The following KIAA0319 variants were observed in gnomAD, a reference collection of about 807,000 sequenced individuals.
KIAA0319 encodes the protein KIAA0319, also known as dyslexia-associated protein KIAA0319.
Under a neutral mutation model 108.4 loss-of-function variants are expected in KIAA0319, and 83 were observed. That is an observed-to-expected ratio of 0.77 (90% confidence interval 0.64 to 0.92). KIAA0319 has a LOEUF of 0.92. Among genes scored for constraint, KIAA0319 ranks in the 40% least tolerant of loss-of-function variants. KIAA0319 has a pLI of 0.00. For synonymous variants in KIAA0319, 484 were observed against 510.4 expected, an observed-to-expected ratio of 0.95 and a Z score of 0.70; for missense variants, 1,195 against 1,322.4, an observed-to-expected ratio of 0.90 and a Z score of 1.49.
intron 1 of KIAA0319, among the ~76,000 whole-genome samples, chr6:24,640,975 T>C (rs893933559): frequency 6.6e-6 from 1 of 152,146 alleles, no homozygotes; most frequent in African/African-American, 2.4e-5. Flanking sequence ...TTTTTAAATA[T>C]ACAATTTAGC....
In KIAA0319 at chr6:24,556,589, C is replaced by G. The variant is rs763195822; in HGVS notation, c.2857+18G>C. The G allele has an allele frequency of 1.2e-6, 2 of 1,611,920 alleles. No individual in the cohort carries two copies. Among genetic ancestry groups the G allele is most frequent in the Non-Finnish European group, 1.7e-6 (2 of 1,178,984 alleles). Reference sequence around the variant, plus strand: ...CTTAAGGCTCCTCACCCAAAGCCTCCTCTATACCAGAACTCACCACAGTTG... The same window carrying G: ...CTTAAGGCTCCTCACCCAAAGCCTCGTCTATACCAGAACTCACCACAGTTG... On this transcript the variant is annotated intron_variant, in intron 18 of 20. Coordinates refer to ENST00000378214, the MANE Select transcript of KIAA0319 (RefSeq NM_014809.4).
intron 2 of KIAA0319, chr6:24,598,408 C>T (rs1582150455): frequency 3.3e-6 from 2 of 602,448 alleles, no homozygotes; most frequent in East Asian, 7.7e-5. Context: ...CTGGAGCCTC[C>T]TGCAGCAGCA....
intron 6 of KIAA0319, among the ~76,000 whole-genome samples, chr6:24,581,953 G>A (rs1222903302): frequency 6.6e-6 from 1 of 152,164 alleles, no homozygotes; most frequent in East Asian, 1.9e-4. Context: ...AAACCAGCCT[G>A]GCCAACATGG....
intron 8 of KIAA0319, among the ~76,000 whole-genome samples, 166 bp from the exon 9 acceptor site, chr6:24,578,408 G>T (rs1185374707): frequency 1.3e-5 from 2 of 152,150 alleles, no homozygotes; most frequent in Non-Finnish European, 2.9e-5. Context: ...TCCTACTCCC[G>T]AAATTATATC....
chr6:24,557,954 G>A (rs984907989), intron 17 of KIAA0319, among the ~76,000 whole-genome samples: 1 of 152,072 alleles, frequency 6.6e-6, no homozygotes, highest in African/African-American at 2.4e-5. Flanking sequence ...CATCCTGATT[G>A]TAGAGATGGT....
At chr6:24,629,737 T>A (rs1775268718) in intron 1 of KIAA0319, among the ~76,000 whole-genome samples, 3 of 152,116 alleles carry the variant, frequency 2.0e-5, no homozygotes, top group African/African-American at 7.2e-5. Flanking sequence ...AAATTTTTAA[T>A]GAAGGAGATT....
rs896681491 is a variant in KIAA0319 at position 24,605,094 on chromosome 6, G to C, written c.-105-3886C>G. On this transcript the variant is annotated intron_variant, in intron 1 of 20. Coordinates refer to ENST00000378214, the MANE Select transcript of KIAA0319 (RefSeq NM_014809.4). The stretch of plus-strand genomic sequence containing the variant: ...GACCTCAGGTGATCCACCCGCCTTG[G>C]CCTCCCAAAGTGCTGGGATTATAGG... Among the ~76,000 whole-genome samples, 12 of 152,190 alleles carry C rather than the reference G, an allele frequency of 7.9e-5. 1 individual carries two copies. Among genetic ancestry groups the C allele is most frequent in the Non-Finnish European group, 1.6e-4 (11 of 68,022 alleles).
chr6:24,553,359 CTG>C, intron 19 of KIAA0319, among the ~76,000 whole-genome samples: 1 of 114,408 alleles, frequency 8.7e-6, no homozygotes, highest in South Asian at 2.7e-4. Context: ...ATATATATAT[CTG>C]TATGTATGTT....
intron 2 of KIAA0319, among the ~76,000 whole-genome samples, chr6:24,597,486 C>A (rs371600114): frequency 2.4e-4 from 36 of 152,192 alleles, no homozygotes; most frequent in African/African-American, 8.2e-4. Context: ...GATATACATA[C>A]CTTAAAAGCA....
chr6:24,590,232 T>C (rs1226589920), intron 3 of KIAA0319, among the ~76,000 whole-genome samples: 1 of 150,718 alleles, frequency 6.6e-6, no homozygotes, highest in Non-Finnish European at 1.5e-5. Context: ...ACTGAGCCCC[T>C]ACTGGGTTCC....
intron 16 of KIAA0319, among the ~76,000 whole-genome samples, chr6:24,560,560 A>C (rs1762976237): frequency 2.6e-5 from 4 of 152,238 alleles, no homozygotes; most frequent in Admixed American, 2.6e-4. Context: ...AACACGTCCC[A>C]CGAAGTGGCT....
intron 4 of KIAA0319, among the ~76,000 whole-genome samples, chr6:24,588,048 T>C (rs1259298096): frequency 6.6e-6 from 1 of 152,248 alleles, no homozygotes; most frequent in African/African-American, 2.4e-5. Context: ...CCATACTGAA[T>C]CCCTTACAGT....
Position 24,588,620 on chromosome 6 carries a change from T to C in KIAA0319, c.967A>G (p.Ile323Val), listed in dbSNP as rs773213175. 1.2e-6 allele frequency: 2 copies of C among 1,613,898 alleles called. No individual in the cohort carries two copies. The highest frequency in any genetic ancestry group is 2.2e-5 in the East Asian group (1 of 44,884). ...GTCCTGGGAGCAGTGGTAGGAGATA[T>C]GGGTAGCTCAGATGGGGTGGACTCA... is the stretch of plus-strand genomic sequence containing the variant. Reference protein sequence around the residue: ...PSESTPSELPISPTTAPRTVK... With the variant: ...PSESTPSELPVSPTTAPRTVK... Residue 323 changes from isoleucine (I) to valine (V), a missense_variant, in exon 4 of 21, where the codon ATA becomes GTA. Transcript: ENST00000378214.
chr6:24,566,496 C>A lies in KIAA0319; in HGVS notation c.2292+101G>T. On this transcript the variant is annotated intron_variant, in intron 14 of 20. Coordinates refer to ENST00000378214, the MANE Select transcript of KIAA0319 (RefSeq NM_014809.4). ...TGTTTAAGCCTCCTTATACTTATATCCTTTCCTTAGAATATACCGTGATAT... is the reference window on the plus strand; with the variant it reads ...TGTTTAAGCCTCCTTATACTTATATACTTTCCTTAGAATATACCGTGATAT... 2.8e-6 allele frequency: 3 copies of A among 1,058,830 alleles called. No homozygotes were observed. The South Asian group carries it at 7.1e-5, about 25-fold the overall frequency. 65.6% of individuals were successfully genotyped at this position (1,058,830 alleles called of 1,614,324 possible). A position where few individuals can be genotyped will look rare whatever the true frequency, so the allele number is the denominator to read the frequency against.
At position 24,576,436 on chromosome 6, in the gene KIAA0319, C is replaced by A. The variant is rs577359258; in HGVS notation, c.1666G>T (p.Asp556Tyr). Residue 556 changes from aspartate to tyrosine, a missense_variant, in exon 10 of 21, where the codon GAT (aspartate) becomes TAT (tyrosine). Transcript: ENST00000378214. ...ITLNGNQSSD[D>Y]HQIVLYEWSL... ...CACTCATAGAGGACAATCTGGTGAT[C>A]GTCACTGCTCTGGTTTCCATTCAAA... 1 of 1,614,116 alleles carries A rather than the reference C, an allele frequency of 6.2e-7. No individual in the cohort carries two copies. Among genetic ancestry groups the A allele is most frequent in the South Asian group, 1.1e-5 (1 of 91,072 alleles).
At chr6:24,553,294 T>TACACACACAC (rs71544276) in intron 19 of KIAA0319, among the ~76,000 whole-genome samples, 1 of 91,072 alleles carries the variant, frequency 1.1e-5, no homozygotes, top group South Asian at 4.0e-4. Flanking sequence ...TATATATATA[T>TACACACACAC]ACACACACAC....
At chr6:24,559,774 A>T (rs2744544) in intron 16 of KIAA0319, among the ~76,000 whole-genome samples, 42,454 of 152,110 alleles carry the variant, frequency 0.28, 7,340 homozygotes, top group African/African-American at 0.49. Context: ...AATGGCTTTT[A>T]GTATATTCAC....
intron 1 of KIAA0319, among the ~76,000 whole-genome samples, chr6:24,623,890 A>C (rs1475198083): frequency 6.6e-6 from 1 of 152,140 alleles, no homozygotes; most frequent in Non-Finnish European, 1.5e-5. Context: ...AAAACATCAC[A>C]TGTACCCCAT....
At chr6:24,593,979 T>A (rs1295680902) in intron 3 of KIAA0319, among the ~76,000 whole-genome samples, 3 of 150,674 alleles carry the variant, frequency 2.0e-5, no homozygotes, top group African/African-American at 4.9e-5. Flanking sequence ...GGCAGGTGGA[T>A]CATGAGGTCA....
Sources: gnomAD v4.1 joint callset for allele counts (sites outside exome capture counted in the v4.1 genomes callset) on GRCh38, gnomAD v4.1.1 for gene constraint, MANE v1.5 for transcripts, NCBI Gene and HGNC (gene_info 2026-07-23, HGNC 2026-07-21) for gene names.